Variants in ARL9 observed in about 807,000 individuals in gnomAD.
ARL9 encodes ADP-ribosylation factor-like protein 9.
ARL9 carries 14 observed loss-of-function variants against 27.0 expected under a neutral mutation model. The observed-to-expected ratio is 0.52, with a 90% CI of 0.34 to 0.81. The LOEUF is 0.81. Among genes scored for constraint, ARL9 ranks in the 30% least tolerant of loss-of-function variants. The probability of loss-of-function intolerance (pLI) is 0.01; values close to 1 mark genes in which losing one functional copy is unlikely to be tolerated. For missense variants in ARL9, 294 were observed against 290.0 expected, an observed-to-expected ratio of 1.01 and a Z score of -0.10; for synonymous variants, 106 against 108.7, an observed-to-expected ratio of 0.98 and a Z score of 0.15.
intron 2 of ARL9, among the ~76,000 whole-genome samples, chr4:56,514,981 G>A (rs1394310309): frequency 6.6e-6 from 1 of 152,104 alleles, no homozygotes; most frequent in Non-Finnish European, 1.5e-5. Flanking sequence ...CAGGTGTGGT[G>A]GCTTATGCCT....
intron 1 of ARL9, among the ~76,000 whole-genome samples, chr4:56,510,353 T>TAAAAAAAA (rs1721601465): frequency 1.0e-5 from 1 of 99,680 alleles, no homozygotes; most frequent in Admixed American, 9.9e-5. Flanking sequence ...AGACTCCAAC[T>TAAAAAAAA]CAAAAAAAAA....
chr4:56,507,325 G>A (rs1233877431), intron 1 of ARL9, among the ~76,000 whole-genome samples: 1 of 151,630 alleles, frequency 6.6e-6, no homozygotes, highest in Non-Finnish European at 1.5e-5. Context: ...TTTTGTTTTT[G>A]TTTTTTTGAG....
At chr4:56,519,241 G>C (rs1040701077) in intron 3 of ARL9, among the ~76,000 whole-genome samples, 1 of 152,144 alleles carries the variant, frequency 6.6e-6, no homozygotes, top group Non-Finnish European at 1.5e-5. Context: ...GGAGAATTTG[G>C]AACCCTTGTG....
At position 56,523,771 on chromosome 4, in the gene ARL9, G is replaced by A. The variant is rs1469722621; in HGVS notation, c.693G>A (p.Lys231=). The change falls in exon 4 of 4, where the codon AAG becomes AAA. Residue 231 remains lysine (K), a synonymous_variant. Coordinates refer to ENST00000640821, the MANE Select transcript of ARL9 (RefSeq NM_001363794.2). ...LALSEVGNDR[K]MFLFGTYLTK... ...TATCTGAAGTGGGAAATGACAGGAAGATGTTCTTGTTTGGAACCTACCTGA... is the reference window on the plus strand; with the variant it reads ...TATCTGAAGTGGGAAATGACAGGAAAATGTTCTTGTTTGGAACCTACCTGA... The A allele has an allele frequency of 8.7e-6, 14 of 1,613,768 alleles. No individual in the cohort carries two copies. The highest frequency in any genetic ancestry group is 3.3e-5 in the Admixed American group (2 of 59,996).
In ARL9 at chr4:56,518,742, C is replaced by G. The variant is rs199896736; in HGVS notation, c.507C>G (p.Ile169Met). 359 of 1,613,810 alleles carry G rather than the reference C, an allele frequency of 2.2e-4. 2 individuals are homozygous for G. Among genetic ancestry groups the G allele is most frequent in the Non-Finnish European group, 4.0e-5 (47 of 1,179,860 alleles). The change falls in exon 3 of 4, where the codon ATC (isoleucine) becomes ATG (methionine). Residue 169 changes from isoleucine (I) to methionine (M), a missense_variant. By Grantham distance (10) the Ile-to-Met change is conservative. Coordinates refer to ENST00000640821, the MANE Select transcript of ARL9 (RefSeq NM_001363794.2). ...EMYLSKGLLL[I>M]FVVDSADHSR... ...ACCTATCCAAGGGATTGCTGCTGAT[C>G]TTTGTGGTGGATTCAGCAGATCACA... is the stretch of plus-strand genomic sequence containing the variant.
chr4:56,516,949 A>G (rs1452985114), intron 2 of ARL9, among the ~76,000 whole-genome samples: 1 of 152,168 alleles, frequency 6.6e-6, no homozygotes, highest in Non-Finnish European at 1.5e-5. Flanking sequence ...TAAAATAAAA[A>G]TAAAAAGAGG....
At chr4:56,521,332 G>C (rs1721912219) in intron 3 of ARL9, among the ~76,000 whole-genome samples, 1 of 152,026 alleles carries the variant, frequency 6.6e-6, no homozygotes, top group South Asian at 2.1e-4. Flanking sequence ...GAGCTGTATA[G>C]TATTCCATAG....
intron 3 of ARL9, among the ~76,000 whole-genome samples, chr4:56,520,052 G>A (rs1721873927): frequency 1.3e-5 from 2 of 151,756 alleles, no homozygotes; most frequent in African/African-American, 2.4e-5. Context: ...TCACAGGCTG[G>A]AGTGCAATGG....
chr4:56,521,842 A>G (rs544823803), intron 3 of ARL9, among the ~76,000 whole-genome samples: 24 of 152,270 alleles, frequency 1.6e-4, no homozygotes, highest in African/African-American at 5.8e-4. Context: ...GGAGTCTTTC[A>G]TATCATTTGG....
intron 2 of ARL9, among the ~76,000 whole-genome samples, chr4:56,515,761 A>G (rs1164506480): frequency 6.6e-6 from 1 of 152,218 alleles, no homozygotes; most frequent in Non-Finnish European, 1.5e-5. Context: ...AAAAGTGTCT[A>G]TCTATAAAGA....
chr4:56,511,190 A>T lies in ARL9; in HGVS notation c.285A>T (p.Lys95Asn), dbSNP rs1460246658. ...TTTATCTTTTTGTTTCACAGGAGAA[A>T]AACAAGCAAATCCTAGTGCTGGGCC... ...LTRTPLEPLE[K>N]NKQILVLGLD... Residue 95 changes from lysine to asparagine, a missense_variant, in exon 2 of 4, where the codon AAA becomes AAT. Physicochemically the swap from Lys to Asn is moderately conservative, Grantham distance 94. Transcript: ENST00000640821. The T allele has an allele frequency of 1.3e-6, 2 of 1,577,340 alleles. No individual in the cohort carries two copies. Among genetic ancestry groups the T allele is most frequent in the African/African-American group, 2.7e-5 (2 of 73,942 alleles).
Position 56,511,310 on chromosome 4 carries a change from C to A in ARL9, c.405C>A (p.Cys135Ter). The change falls in exon 2 of 4, where the codon TGC becomes TGA. Residue 135 changes from cysteine to a stop codon, truncating the protein, a stop_gained. Transcript: ENST00000640821. LOFTEE classifies it high-confidence loss of function. ...CCACCCAAGGTTTCCATGCAGTTTG[C>A]ATCAACACTGAAGACAGCCAGATGG... ...VAPTQGFHAV[C>*]INTEDSQMEF... 10 of 1,613,784 alleles carry A rather than the reference C, an allele frequency of 6.2e-6. No homozygotes were observed. Among genetic ancestry groups the A allele is most frequent in the Non-Finnish European group, 8.5e-6 (10 of 1,179,746 alleles).
At chr4:56,512,301 C>T (rs906154892) in intron 2 of ARL9, among the ~76,000 whole-genome samples, 12 of 152,154 alleles carry the variant, frequency 7.9e-5, no homozygotes, top group Admixed American at 6.6e-4. Context: ...CTGTGGAGAT[C>T]TCATCCTTGT....
At chr4:56,512,822 T>G (rs1057506668) in intron 2 of ARL9, among the ~76,000 whole-genome samples, 1 of 152,122 alleles carries the variant, frequency 6.6e-6, no homozygotes, top group Non-Finnish European at 1.5e-5. Flanking sequence ...GATTCAGGTG[T>G]GAGCCACTGC....
intron 3 of ARL9, among the ~76,000 whole-genome samples, chr4:56,522,732 G>A (rs17813264): frequency 0.013 from 1,986 of 152,142 alleles, 29 homozygotes; most frequent in Middle Eastern, 0.02. Context: ...CCTGGCATGC[G>A]GCCTAAGCAC....
chr4:56,516,584 C>CA (rs10718013), intron 2 of ARL9, among the ~76,000 whole-genome samples: 33,553 of 119,540 alleles, frequency 0.28, 4,096 homozygotes, highest in Non-Finnish European at 0.33. Context: ...TCAAATTAGG[C>CA]AAAAAAAAAA....
intron 2 of ARL9, among the ~76,000 whole-genome samples, chr4:56,515,590 T>C (rs1721746661): frequency 6.6e-6 from 1 of 152,174 alleles, no homozygotes; most frequent in African/African-American, 2.4e-5. Context: ...AATGATATAA[T>C]TGTCTTCAAA....
chr4:56,508,537 C>T (rs1483989707), intron 1 of ARL9, among the ~76,000 whole-genome samples: 1 of 152,186 alleles, frequency 6.6e-6, no homozygotes, highest in East Asian at 1.9e-4. Context: ...CTGGCATTCG[C>T]CACCACGCCC....
chr4:56,511,212 G>T lies in ARL9; in HGVS notation c.307G>T (p.Gly103Cys). The stretch of plus-strand genomic sequence containing the variant: ...GAAAAACAAGCAAATCCTAGTGCTG[G>T]GCCTGGATGGAGCAGGAAAAACCAG... ...LEKNKQILVL[G>C]LDGAGKTSVL... The change falls in exon 2 of 4, where the codon GGC (glycine) becomes TGC (cysteine). Residue 103 changes from glycine (G) to cysteine (C), a missense_variant. Transcript: ENST00000640821. 1 of 1,606,646 alleles carries T rather than the reference G, an allele frequency of 6.2e-7. No individual in the cohort carries two copies. Among genetic ancestry groups the T allele is most frequent in the Non-Finnish European group, 8.5e-7 (1 of 1,176,294 alleles).
Sources: allele counts gnomAD v4.1 joint callset (sites outside exome capture counted in the v4.1 genomes callset), GRCh38; gene constraint gnomAD v4.1.1; transcripts MANE v1.5; gene names NCBI Gene and HGNC (gene_info 2026-07-23, HGNC 2026-07-21).